PRKG1: variants seen among roughly 807,000 people sequenced by gnomAD.
PRKG1 encodes the protein protein kinase cGMP-dependent 1.
Under a neutral mutation model 88.1 loss-of-function variants are expected in PRKG1, and 35 were observed. The ratio of observed to expected loss-of-function variants is 0.40; its 90% CI spans 0.30 to 0.53. PRKG1 has a LOEUF of 0.53. Ranked by LOEUF, PRKG1 falls within the 20% of genes least tolerant of loss-of-function variation. The pLI is 0.59. For missense variants in PRKG1, 540 were observed against 839.8 expected (o/e 0.64, Z 4.41); for synonymous variants, 303 against 292.5 (o/e 1.04, Z -0.37).
chr10:51,429,075 G>A (rs1015474077), intron 2 of PRKG1, among the ~76,000 whole-genome samples: 2 of 152,110 alleles, frequency 1.3e-5, no homozygotes, highest in African/African-American at 4.8e-5. Context: ...AGGGTCCAGT[G>A]TGATTTAAAC....
At chr10:51,698,802 T>G (rs1841380100) in intron 3 of PRKG1, 1 of 1,614,052 alleles carries the variant, frequency 6.2e-7, no homozygotes, top group African/African-American at 1.3e-5. Flanking sequence ...AGAGGAGGAA[T>G]GTCCTTCACA....
intron 12 of PRKG1, among the ~76,000 whole-genome samples, chr10:52,280,404 A>G (rs1841977935): frequency 6.6e-6 from 1 of 152,182 alleles, no homozygotes; most frequent in Non-Finnish European, 1.5e-5. Flanking sequence ...TCCTTTAAAA[A>G]ACAAATGCTT....
chr10:51,669,749 C>T (rs1389479515), intron 3 of PRKG1, among the ~76,000 whole-genome samples: 2 of 152,092 alleles, frequency 1.3e-5, no homozygotes, highest in African/African-American at 4.8e-5. Context: ...ATGGTTGATA[C>T]CTTTTTTAAA....
chr10:51,055,283 A>G (rs962205835), intron 1 of PRKG1, among the ~76,000 whole-genome samples: 1 of 152,260 alleles, frequency 6.6e-6, no homozygotes, highest in African/African-American at 2.4e-5. Context: ...ATGCAAAATC[A>G]GAGTTAGAGG....
chr10:51,128,941 G>A (rs1041579590), intron 1 of PRKG1, among the ~76,000 whole-genome samples: 1 of 152,166 alleles, frequency 6.6e-6, no homozygotes, highest in Non-Finnish European at 1.5e-5. Flanking sequence ...GTAATTTTTA[G>A]TTACTTGTAA....
intron 1 of PRKG1, among the ~76,000 whole-genome samples, chr10:51,022,001 G>A (rs1413220673): frequency 6.6e-6 from 1 of 152,136 alleles, no homozygotes; most frequent in African/African-American, 2.4e-5. Context: ...CTTATAATGG[G>A]TATGAATCTT....
In PRKG1 at chr10:52,018,548, T is replaced by C. The variant is rs113215271; in HGVS notation, c.763-35936T>C. On this transcript the variant is annotated intron_variant, in intron 5 of 17. Transcript: ENST00000373980. ...CAGATTAGCTCTGTAACCAAAACAG[T>C]CAAACAAATGAACAAACAACAAACC... Among the ~76,000 whole-genome samples, 13 of 152,280 alleles carry C rather than the reference T, an allele frequency of 8.5e-5. 1 individual carries two copies. Among genetic ancestry groups the C allele is most frequent in the African/African-American group, 2.9e-4 (12 of 41,564 alleles).
At chr10:51,790,524 A>G (rs1407571435) in intron 3 of PRKG1, among the ~76,000 whole-genome samples, 1 of 152,174 alleles carries the variant, frequency 6.6e-6, no homozygotes, top group Non-Finnish European at 1.5e-5. Flanking sequence ...ATACTCCTGT[A>G]TGGTGAAGTC....
intron 3 of PRKG1, chr10:51,699,448 G>A: frequency 6.2e-7 from 1 of 1,613,948 alleles, no homozygotes; most frequent in Non-Finnish European, 8.5e-7. Flanking sequence ...CCGAGAAAAT[G>A]TCCTTTAACT....
intron 5 of PRKG1, among the ~76,000 whole-genome samples, chr10:51,924,237 A>C (rs1454013341): frequency 1.3e-5 from 2 of 152,104 alleles, no homozygotes; most frequent in African/African-American, 4.8e-5. Context: ...ACTGTTAACA[A>C]ATTCCCTCAA....
chr10:51,743,097 T>A (rs1837476794), intron 3 of PRKG1, among the ~76,000 whole-genome samples: 1 of 152,096 alleles, frequency 6.6e-6, no homozygotes, highest in Non-Finnish European at 1.5e-5. Context: ...GACCGGCAGC[T>A]CTTTCTCCGG....
At chr10:52,131,015 G>T (rs575630575) in intron 7 of PRKG1, among the ~76,000 whole-genome samples, 3 of 152,258 alleles carry the variant, frequency 2.0e-5, no homozygotes, top group East Asian at 1.9e-4. Context: ...ATAGTGAGTG[G>T]CTACTCGTAT....
At chr10:51,724,649 A>G (rs2132457834) in intron 3 of PRKG1, among the ~76,000 whole-genome samples, 1 of 152,204 alleles carries the variant, frequency 6.6e-6, no homozygotes, top group East Asian at 1.9e-4. Flanking sequence ...TGTGGCCTCC[A>G]AAAGTGTTGG....
chr10:51,967,068 C>T lies in PRKG1; in HGVS notation c.762+59498C>T, dbSNP rs190465158. On this transcript the variant is annotated intron_variant, in intron 5 of 17. Coordinates refer to ENST00000373980, the MANE Select transcript of PRKG1 (RefSeq NM_006258.4). ...AGCCATCCAATTACTGGGTATATACCCAAAGGATTATAAATGTTGCTGCTA... is the reference window on the plus strand; with the variant it reads ...AGCCATCCAATTACTGGGTATATACTCAAAGGATTATAAATGTTGCTGCTA... 2.4e-4 allele frequency among the ~76,000 whole-genome samples: 36 copies of T among 152,120 alleles called. No homozygotes were observed. In the East Asian group the frequency reaches 4.5e-3, roughly 19 times the overall value.
intron 3 of PRKG1, among the ~76,000 whole-genome samples, chr10:51,705,067 C>A (rs1841572487): frequency 6.6e-6 from 1 of 152,166 alleles, no homozygotes; most frequent in Admixed American, 6.5e-5. Context: ...TCTCCTCTGG[C>A]TAAATTGTAC....
Position 51,467,708 on chromosome 10 carries a change from C to T in PRKG1, c.479-15C>T. On this transcript the variant is annotated splice_polypyrimidine_tract_variant and intron_variant, in intron 2 of 17. Transcript: ENST00000373980. ...AAATAATTTATATAACATGTTTTTC[C>T]CTCCTCCTTTTTAGATGGTAAGGTT... 5 of 1,576,058 alleles carry T rather than the reference C, an allele frequency of 3.2e-6. No individual in the cohort carries two copies. Among genetic ancestry groups the T allele is most frequent in the Non-Finnish European group, 4.4e-6 (5 of 1,146,644 alleles).
At chr10:51,297,989 A>G (rs1207134001) in intron 2 of PRKG1, among the ~76,000 whole-genome samples, 1 of 152,136 alleles carries the variant, frequency 6.6e-6, no homozygotes, top group Non-Finnish European at 1.5e-5. Flanking sequence ...AAAGAGATGT[A>G]TGTAAAGGAA....
intron 2 of PRKG1, among the ~76,000 whole-genome samples, chr10:51,379,038 TG>T (rs1429698084): frequency 6.6e-6 from 1 of 152,226 alleles, no homozygotes; most frequent in Non-Finnish European, 1.5e-5. Context: ...CTTGACTATC[TG>T]GCTTTGACTC....
chr10:52,272,683 A>G (rs1012454660), intron 12 of PRKG1, among the ~76,000 whole-genome samples: 3 of 152,126 alleles, frequency 2.0e-5, no homozygotes, highest in Non-Finnish European at 4.4e-5. Flanking sequence ...CTTTGTAACT[A>G]ACAATACAGG....
Sources: allele counts gnomAD v4.1 joint callset (sites outside exome capture counted in the v4.1 genomes callset), GRCh38; gene constraint gnomAD v4.1.1; transcripts MANE v1.5; gene names NCBI Gene and HGNC (gene_info 2026-07-23, HGNC 2026-07-21).